Variants in ABLIM1 observed in about 807,000 individuals in gnomAD.
ABLIM1 encodes actin-binding LIM protein 1.
Under a neutral mutation model 107.0 loss-of-function variants are expected in ABLIM1, and 40 were observed. The observed-to-expected ratio is 0.37, with a 90% CI of 0.29 to 0.49. ABLIM1 has a LOEUF of 0.49. ABLIM1 is among the 20% of genes least tolerant of loss of function. The pLI is 0.97. For synonymous variants in ABLIM1, 357 were observed against 357.3 expected (o/e 1.00, Z 0.01); for missense variants, 857 against 1,008.5 (o/e 0.85, Z 2.04).
chr10:114,761,983 G>GCGCT (rs1555234061), intron 1 of ABLIM1, among the ~76,000 whole-genome samples: 1 of 145,618 alleles, frequency 6.9e-6, no homozygotes, highest in Non-Finnish European at 1.5e-5. Context: ...TATCCCATAT[G>GCGCT]CTCTCTCTCT....
At chr10:114,769,420 AAGGAAAG>A (rs1566324144), upstream of ABLIM1, among the ~76,000 whole-genome samples, 90 of 12,432 alleles carry the variant, frequency 7.2e-3, no homozygotes, top group Non-Finnish European at 0.014. Flanking sequence ...GAAAGAAAAG[AAGGAAAG>A]AAAGAAAGAA....
At chr10:114,609,334 G>A (rs138091882) in intron 1 of ABLIM1, among the ~76,000 whole-genome samples, 1 of 152,132 alleles carries the variant, frequency 6.6e-6, no homozygotes, top group East Asian at 1.9e-4. Context: ...ACTTGCTGTG[G>A]TTTCTCTTCT....
intron 4 of ABLIM1, among the ~76,000 whole-genome samples, chr10:114,551,664 TAAG>T (rs1475281973): frequency 6.6e-6 from 1 of 152,274 alleles, no homozygotes; most frequent in African/African-American, 2.4e-5. Context: ...GATTTAATTC[TAAG>T]AAGTCAACTT....
intron 1 of ABLIM1, among the ~76,000 whole-genome samples, chr10:114,622,599 A>C (rs1335868505): frequency 3.3e-5 from 5 of 152,170 alleles, no homozygotes; most frequent in African/African-American, 1.2e-4. Context: ...CAAATAGAGA[A>C]CAACAGAAAT....
chr10:114,694,123 GA>G (rs1476383902), intron 1 of ABLIM1, among the ~76,000 whole-genome samples: 1 of 152,178 alleles, frequency 6.6e-6, no homozygotes, highest in Non-Finnish European at 1.5e-5. Context: ...GATAAAAATT[GA>G]ATTTATACTC....
At chr10:114,656,082 C>A (rs1451805855) in intron 1 of ABLIM1, among the ~76,000 whole-genome samples, 1 of 151,990 alleles carries the variant, frequency 6.6e-6, no homozygotes, top group Non-Finnish European at 1.5e-5. Context: ...ACCAGCCTGG[C>A]CAACATGGTG....
chr10:114,453,348 A>C (rs1224049611), intron 13 of ABLIM1, 31 bp downstream of exon 13: 1 of 1,602,940 alleles, frequency 6.2e-7, no homozygotes, highest in African/African-American at 1.3e-5. Context: ...CTGTGACAGG[A>C]CACCAAGACA....
chr10:114,530,400 TA>T (rs2065324457), intron 6 of ABLIM1, among the ~76,000 whole-genome samples: 2 of 152,100 alleles, frequency 1.3e-5, no homozygotes, highest in East Asian at 3.9e-4. Context: ...ACAGAGCAGT[TA>T]AACAGACAGC....
chr10:114,765,042 T>A (rs532734821), intron 1 of ABLIM1: 1 of 152,608 alleles, frequency 6.6e-6, no homozygotes, highest in Non-Finnish European at 1.5e-5. Context: ...TAAGGGGGGC[T>A]GTTTTCTACT....
intron 1 of ABLIM1, chr10:114,690,096 G>C: frequency 9.4e-7 from 1 of 1,058,590 alleles, no homozygotes; most frequent in East Asian, 2.4e-5. Context: ...GCTCTCCTGA[G>C]CTACAAAAGG....
At chr10:114,464,206 G>C (rs1294532427) in intron 12 of ABLIM1, among the ~76,000 whole-genome samples, 3 of 141,674 alleles carry the variant, frequency 2.1e-5, no homozygotes, top group African/African-American at 7.9e-5. Flanking sequence ...TTTTTTTTGA[G>C]ATGGAGTCTT....
intron 6 of ABLIM1, among the ~76,000 whole-genome samples, chr10:114,519,780 T>C (rs2063454206): frequency 6.6e-6 from 1 of 152,170 alleles, no homozygotes; most frequent in Admixed American, 6.5e-5. Context: ...TTCTCACTGG[T>C]CCTACCCCCA....
rs1049926496 is a variant in ABLIM1, at chr10:114,502,156, G to A, written c.895-10278C>T. 1.1e-4 allele frequency: 18 copies of A among 169,788 alleles called. 1 individual carries two copies. In the South Asian group the frequency reaches 2.8e-3, roughly 26 times the overall value. 10.5% of individuals were successfully genotyped at this position (169,788 alleles called of 1,614,324 possible). ...GTACCAAACATACTTTGTTGAAAGC[G>A]GGAACTGATATGATAGCATGAAACA... On this transcript the variant is annotated intron_variant, in intron 6 of 22. Coordinates refer to ENST00000533213, the MANE Select transcript of ABLIM1 (RefSeq NM_002313.7).
At chr10:114,621,873 T>G (rs1176177285) in intron 1 of ABLIM1, among the ~76,000 whole-genome samples, 1 of 152,250 alleles carries the variant, frequency 6.6e-6, no homozygotes, top group East Asian at 1.9e-4. Flanking sequence ...TTGCTATTTC[T>G]GAGTTTTAGG....
chr10:114,615,110 G>T (rs2077048457), intron 1 of ABLIM1, among the ~76,000 whole-genome samples: 1 of 151,890 alleles, frequency 6.6e-6, no homozygotes. Flanking sequence ...TTCAAATAGT[G>T]TGGACTGTCA....
At chr10:114,440,972 C>T (rs768158439) in intron 19 of ABLIM1, 45 bp downstream of exon 19, 10 of 1,549,932 alleles carry the variant, frequency 6.5e-6, no homozygotes, top group Admixed American at 3.8e-5. Flanking sequence ...ACCTCAGCCT[C>T]GAGGGAAGAC....
intron 1 of ABLIM1, among the ~76,000 whole-genome samples, chr10:114,644,338 T>TATACA (rs1566167151): frequency 1.1e-4 from 14 of 129,630 alleles, no homozygotes; most frequent in African/African-American, 3.7e-4. Context: ...TATGTGTATA[T>TATACA]ATTGTATATA....
At chr10:114,555,729 T>C (rs1295383925) in intron 4 of ABLIM1, among the ~76,000 whole-genome samples, 2 of 152,214 alleles carry the variant, frequency 1.3e-5, no homozygotes, top group Admixed American at 6.5e-5. Context: ...GTTCAGAGCA[T>C]GCCCTTTACT....
chr10:114,722,914 G>A (rs1272000523), intron 1 of ABLIM1, among the ~76,000 whole-genome samples: 3 of 152,092 alleles, frequency 2.0e-5, no homozygotes, highest in Admixed American at 6.6e-5. Context: ...CCCAGCTCAA[G>A]CTGAGCTACT....
Sources: allele counts gnomAD v4.1 joint callset (sites outside exome capture counted in the v4.1 genomes callset), GRCh38; gene constraint gnomAD v4.1.1; transcripts MANE v1.5; gene names NCBI Gene and HGNC (gene_info 2026-07-23, HGNC 2026-07-21).